PRKCB: variants seen among roughly 807,000 people sequenced by gnomAD.
PRKCB encodes protein kinase C beta.
PRKCB carries 13 observed loss-of-function variants against 81.5 expected under a neutral mutation model. The observed-to-expected ratio is 0.16, with a 90% CI of 0.10 to 0.25. The LOEUF is 0.25. Ranked by LOEUF, PRKCB falls within the 10% of genes least tolerant of loss-of-function variation. The pLI is 1.00. For missense variants in PRKCB, 509 were observed against 875.7 expected (o/e 0.58, Z 5.29); for synonymous variants, 335 against 321.4 (o/e 1.04, Z -0.45).
intron 3 of PRKCB, among the ~76,000 whole-genome samples, chr16:24,023,395 G>C (rs1019800266): frequency 6.6e-6 from 1 of 152,162 alleles, no homozygotes; most frequent in Non-Finnish European, 1.5e-5. Context: ...TTGAGACGGA[G>C]TCTCGCTCTG....
At chr16:24,012,661 C>T (rs959544074) in intron 3 of PRKCB, among the ~76,000 whole-genome samples, 2 of 152,250 alleles carry the variant, frequency 1.3e-5, no homozygotes, top group Admixed American at 6.5e-5. Flanking sequence ...GACATACGTC[C>T]TCCTCTGCCA....
chr16:24,122,698 G>A (rs983502989), intron 8 of PRKCB, among the ~76,000 whole-genome samples: 2 of 151,958 alleles, frequency 1.3e-5, no homozygotes, highest in Non-Finnish European at 2.9e-5. Flanking sequence ...ATCCTCAATC[G>A]AATCTCCTGT....
intron 7 of PRKCB, among the ~76,000 whole-genome samples, chr16:24,108,927 G>A (rs1966620557): frequency 1.3e-5 from 2 of 150,988 alleles, no homozygotes; most frequent in African/African-American, 4.9e-5. Flanking sequence ...CAGTAGGGGC[G>A]GCCGGGCAGA....
At chr16:23,865,383 A>G (rs1962754761) in intron 2 of PRKCB, among the ~76,000 whole-genome samples, 1 of 138,676 alleles carries the variant, frequency 7.2e-6, no homozygotes, top group Non-Finnish European at 1.5e-5. Flanking sequence ...CCTCACTGCA[A>G]CCCTGACCTC....
chr16:24,183,993 A>G (rs1177044274), intron 13 of PRKCB, among the ~76,000 whole-genome samples: 1 of 152,238 alleles, frequency 6.6e-6, no homozygotes, highest in African/African-American at 2.4e-5. Context: ...TCTTAAGGAA[A>G]TACTTGGACA....
intron 5 of PRKCB, among the ~76,000 whole-genome samples, chr16:24,083,310 G>A (rs1399143870): frequency 6.6e-6 from 1 of 152,098 alleles, no homozygotes; most frequent in Non-Finnish European, 1.5e-5. Context: ...CTAAACAAAC[G>A]CATATAACTG....
intron 10 of PRKCB, among the ~76,000 whole-genome samples, chr16:24,166,609 C>T (rs1967350877): frequency 1.3e-5 from 2 of 152,202 alleles, no homozygotes. Context: ...TGATCTCCTA[C>T]CCATTTTGGG....
chr16:23,978,859 T>C (rs561070592), intron 2 of PRKCB, among the ~76,000 whole-genome samples: 2 of 152,368 alleles, frequency 1.3e-5, no homozygotes, highest in South Asian at 4.1e-4. Context: ...TGAAGATTTT[T>C]ATTGGCATTT....
At chr16:23,967,281 G>T (rs931097032) in intron 2 of PRKCB, among the ~76,000 whole-genome samples, 1 of 152,212 alleles carries the variant, frequency 6.6e-6, no homozygotes, top group Non-Finnish European at 1.5e-5. Flanking sequence ...CTTCCTTTTG[G>T]ATGGTGGCCT....
intron 2 of PRKCB, among the ~76,000 whole-genome samples, chr16:23,895,832 T>C (rs1202461009): frequency 1.3e-5 from 2 of 152,242 alleles, no homozygotes; most frequent in African/African-American, 4.8e-5. Flanking sequence ...GGTTATATTG[T>C]TATTATTGAT....
chr16:24,046,231 G>A (rs1049629586), intron 5 of PRKCB, among the ~76,000 whole-genome samples: 2 of 152,194 alleles, frequency 1.3e-5, no homozygotes, highest in Admixed American at 1.3e-4. Flanking sequence ...AGGCCAATGT[G>A]GTCTATGATT....
chr16:24,218,012 C>T lies in PRKCB; in HGVS notation c.*3196C>T, dbSNP rs1968258055. 1.0e-6 allele frequency: 1 copy of T among 985,204 alleles called. No individual in the cohort carries two copies. Among genetic ancestry groups the T allele is most frequent in the Non-Finnish European group, 1.2e-6 (1 of 829,924 alleles). The allele number at this position is 985,204 out of a possible 1,614,324, so 61.0% of individuals were successfully genotyped here. A position where few individuals can be genotyped will look rare whatever the true frequency, so the allele number is the denominator to read the frequency against. On this transcript the variant is annotated 3_prime_UTR_variant, in exon 17 of 17. Transcript: ENST00000643927. Reference sequence around the variant, plus strand: ...AGTTGCAAAAAGGATAGAGGCATATCCCAAGTCTTCCTTCATTCCACAAAT... The same window carrying T: ...AGTTGCAAAAAGGATAGAGGCATATTCCAAGTCTTCCTTCATTCCACAAAT...
chr16:24,077,930 AT>A (rs944880771), intron 5 of PRKCB, among the ~76,000 whole-genome samples: 3 of 152,334 alleles, frequency 2.0e-5, no homozygotes, highest in Middle Eastern at 6.8e-3. Flanking sequence ...ATGAGAAAAT[AT>A]GCACTGTTTC....
chr16:24,180,746 G>T (rs1208395568), intron 12 of PRKCB, 44 bp from the exon 13 acceptor site: 3 of 1,597,900 alleles, frequency 1.9e-6, no homozygotes, highest in Non-Finnish European at 2.6e-6. Flanking sequence ...GGCTTGAAAT[G>T]CATAGCGTTT....
intron 5 of PRKCB, among the ~76,000 whole-genome samples, chr16:24,064,357 T>G (rs1290813231): frequency 2.6e-5 from 4 of 152,256 alleles, no homozygotes; most frequent in African/African-American, 9.6e-5. Flanking sequence ...TTTTGAATAT[T>G]TTTGAATTTT....
intron 1 of PRKCB, 94 bp downstream of exon 1, chr16:23,836,442 T>TGGGACC (rs1962159408): frequency 6.7e-7 from 1 of 1,490,552 alleles, no homozygotes; most frequent in African/African-American, 1.5e-5. Context: ...CTCCGCGCCC[T>TGGGACC]CCGCACCCTG....
intron 2 of PRKCB, among the ~76,000 whole-genome samples, chr16:23,969,596 C>T (rs943000776): frequency 6.6e-5 from 10 of 152,188 alleles, no homozygotes; most frequent in East Asian, 3.9e-4. Context: ...AGTTAATCTA[C>T]GTAAAGAGCT....
rs944278116 is a variant in PRKCB, at chr16:24,219,703, C to A, written c.*4887C>A. 23 of 1,247,718 alleles carry A rather than the reference C, an allele frequency of 1.8e-5. No homozygotes were observed. In the African/African-American group the frequency reaches 3.6e-4, roughly 19 times the overall value. 77.3% of individuals were successfully genotyped at this position (1,247,718 alleles called of 1,614,324 possible). On this transcript the variant is annotated 3_prime_UTR_variant, in exon 17 of 17. Transcript: ENST00000643927. ...ACACACACACACACACACACACACACCACTTTATGGCAATTCTTAACTGAC... is the reference window on the plus strand; with the variant it reads ...ACACACACACACACACACACACACAACACTTTATGGCAATTCTTAACTGAC...
intron 2 of PRKCB, among the ~76,000 whole-genome samples, chr16:23,921,091 A>G (rs145247036): frequency 6.6e-6 from 1 of 152,268 alleles, no homozygotes; most frequent in Non-Finnish European, 1.5e-5. Context: ...TATGGGGGAA[A>G]CCACCCCCAT....
Sources: allele counts gnomAD v4.1 joint callset (sites outside exome capture counted in the v4.1 genomes callset), GRCh38; gene constraint gnomAD v4.1.1; transcripts MANE v1.5; gene names NCBI Gene and HGNC (gene_info 2026-07-23, HGNC 2026-07-21).